Variants in KLK9 observed in about 807,000 individuals in gnomAD.
KLK9 encodes kallikrein-9.
Under a neutral mutation model 23.3 loss-of-function variants are expected in KLK9, and 26 were observed. The ratio of observed to expected loss-of-function variants is 1.12; its 90% CI spans 0.82 to 1.55. The LOEUF is 1.55. Among genes scored for constraint, KLK9 ranks in the 40% most tolerant of loss-of-function variants. The probability of loss-of-function intolerance (pLI) is 0.00; values close to 1 mark genes in which losing one functional copy is unlikely to be tolerated. For synonymous variants in KLK9, 122 were observed against 128.5 expected (o/e 0.95, Z 0.34); for missense variants, 346 against 333.7 (o/e 1.04, Z -0.29).
rs746682320 is a variant in KLK9 at position 51,003,090 on chromosome 19, G to T, written c.*21C>A. ...CTTCGGCCTCTCTTGGTCTTCCAAG[G>T]TGCCCCCGTGGCGCGCGGGCTCAGT... On this transcript the variant is annotated 3_prime_UTR_variant, in exon 5 of 5. Transcript: ENST00000594211. 4.5e-5 allele frequency: 72 copies of T among 1,595,242 alleles called. No homozygotes were observed. The highest frequency in any genetic ancestry group is 3.4e-4 in the Admixed American group (20 of 59,386).
Position 51,009,516 on chromosome 19 carries a change from G to C in KLK9, c.32C>G (p.Ser11Cys). 6.2e-7 allele frequency: 1 copy of C among 1,611,916 alleles called. No individual in the cohort carries two copies. Among genetic ancestry groups the C allele is most frequent in the Non-Finnish European group, 8.5e-7 (1 of 1,179,066 alleles). Reference sequence around the variant, plus strand: ...CCTGGGAGCCTCACCTGCCAGCAGAGAGAGCAGAGCACAGAGGAGTCCCAG... The same window carrying C: ...CCTGGGAGCCTCACCTGCCAGCAGACAGAGCAGAGCACAGAGGAGTCCCAG... MKLGLLCALL[S>C]LLAGHGWADT... Residue 11 changes from serine (S) to cysteine (C), a missense_variant, in exon 1 of 5, where the codon TCT (serine) becomes TGT (cysteine). Ser to Cys is a moderately radical substitution (Grantham distance 112). Transcript: ENST00000594211. This position sits in a 1 kb window ranked among gnomAD's most constrained non-coding sequence, Gnocchi z 4.8.
intron 2 of KLK9, among the ~76,000 whole-genome samples, chr19:51,007,161 T>C (rs1287243883): frequency 6.6e-6 from 1 of 151,822 alleles, no homozygotes; most frequent in Non-Finnish European, 1.5e-5. Flanking sequence ...GTGGTGTGTG[T>C]GTATACGTGT....
chr19:51,006,600 G>A lies in KLK9; in HGVS notation c.324C>T (p.His108=). The change falls in exon 3 of 5, where the codon CAC becomes CAT. Residue 108 remains histidine (H), a synonymous_variant. Coordinates refer to ENST00000594211, the MANE Select transcript of KLK9 (RefSeq NM_012315.2). This position sits in a 1 kb window ranked among gnomAD's most constrained non-coding sequence, Gnocchi z 4.1. The part of the protein sequence containing the change: ...GFNKDLSAND[H]NDDIMLIRLP... ...GGCGGATCAGCATGATGTCATCATT[G>A]TGGTCATTGGCGCTGAGGTCCTTGT... The A allele has an allele frequency of 1.2e-6, 2 of 1,613,326 alleles. No individual in the cohort carries two copies. Among genetic ancestry groups the A allele is most frequent in the South Asian group, 2.2e-5 (2 of 91,068 alleles).
intron 3 of KLK9, 66 bp from the exon 4 acceptor site, chr19:51,003,906 T>C: frequency 1.4e-6 from 2 of 1,415,606 alleles, no homozygotes; most frequent in Non-Finnish European, 2.0e-6. Context: ...CCCACTGCCC[T>C]GAGTCCTCCC....
At chr19:51,007,094 C>G (rs1029256610) in intron 2 of KLK9, among the ~76,000 whole-genome samples, 1 of 151,822 alleles carries the variant, frequency 6.6e-6, no homozygotes, top group Non-Finnish European at 1.5e-5. Context: ...TAACAACCGC[C>G]CCACCCCTGC....
In KLK9 at chr19:51,009,561, C is replaced by T. The variant is rs759175914; in HGVS notation, c.-14G>A. The T allele has an allele frequency of 6.2e-6, 10 of 1,612,102 alleles. No individual in the cohort carries two copies. In the Admixed American group the frequency reaches 1.7e-4, roughly 27 times the overall value. On this transcript the variant is annotated 5_prime_UTR_variant, in exon 1 of 5. Transcript: ENST00000594211. This position sits in a 1 kb window ranked among gnomAD's most constrained non-coding sequence, Gnocchi z 4.8. Reference sequence around the variant, plus strand: ...TCCCAGCTTCATGACCCCTGGGCACCTGGATCCTGGAACGTGCACCCGGCG... The same window carrying T: ...TCCCAGCTTCATGACCCCTGGGCACTTGGATCCTGGAACGTGCACCCGGCG...
Position 51,003,278 on chromosome 19 carries a change from G to A in KLK9, c.604-18C>T, listed in dbSNP as rs762950703. 8.1e-6 allele frequency: 13 copies of A among 1,607,014 alleles called. No individual in the cohort carries two copies. In the South Asian group the frequency reaches 1.4e-4, roughly 18 times the overall value. Reference sequence around the variant, plus strand: ...GAGTCACCCTGTACGCGAGAGAAGGGCAGAGGAACTGTTAGGCCACTCTGT... The same window carrying A: ...GAGTCACCCTGTACGCGAGAGAAGGACAGAGGAACTGTTAGGCCACTCTGT... On this transcript the variant is annotated intron_variant, in intron 4 of 4. Coordinates refer to ENST00000594211, the MANE Select transcript of KLK9 (RefSeq NM_012315.2).
intron 2 of KLK9, among the ~76,000 whole-genome samples, chr19:51,007,443 G>A (rs2091260075): frequency 6.6e-6 from 1 of 151,802 alleles, no homozygotes; most frequent in African/African-American, 2.4e-5. Context: ...CAGGGTTGGG[G>A]AACCAGAAAC....
intron 4 of KLK9, 119 bp from the exon 5 acceptor site, chr19:51,003,379 C>T: frequency 9.1e-7 from 1 of 1,100,538 alleles, no homozygotes; most frequent in Non-Finnish European, 1.3e-6. Flanking sequence ...TCCGAGAGTC[C>T]TCCATCTCCA....
intron 2 of KLK9, among the ~76,000 whole-genome samples, chr19:51,008,653 A>G (rs1169468862): frequency 6.6e-6 from 1 of 152,240 alleles, no homozygotes; most frequent in Non-Finnish European, 1.5e-5. Flanking sequence ...GCTTAGTACC[A>G]AAACAAAAGT....
At chr19:51,003,966 TA>T (rs1477389462) in intron 3 of KLK9, 126 bp from the exon 4 acceptor site, 2 of 718,544 alleles carry the variant, frequency 2.8e-6, no homozygotes, top group African/African-American at 3.6e-5. Context: ...CTCTCAAAGA[TA>T]GAGACAAGAG....
intron 3 of KLK9, among the ~76,000 whole-genome samples, chr19:51,004,334 G>A (rs1224472429): frequency 5.5e-5 from 2 of 36,238 alleles, no homozygotes; most frequent in African/African-American, 1.5e-4. Flanking sequence ...GCAAGACTCC[G>A]TCTCAAAAAA....
At chr19:51,004,852 T>G (rs1409314833) in intron 3 of KLK9, among the ~76,000 whole-genome samples, 1 of 152,160 alleles carries the variant, frequency 6.6e-6, no homozygotes, top group Non-Finnish European at 1.5e-5. Context: ...GTAGTCAGTA[T>G]AGATGTGGAT....
Position 51,005,933 on chromosome 19 carries a change from G to GATAATAATA in KLK9, c.466+516_466+524dup, listed in dbSNP as rs144461714. 8.5e-4 allele frequency among the ~76,000 whole-genome samples: 127 copies of GATAATAATA among 149,078 alleles called. 1 individual carries two copies. Among genetic ancestry groups the GATAATAATA allele is most frequent in the African/African-American group, 2.8e-3 (116 of 40,746 alleles). ...TCTCTACTAAAAATACAAAAAAAAA[G>GATAATAATA]ATAATAATAATAATAATAATAAATA... On this transcript the variant is annotated intron_variant, in intron 3 of 4. Coordinates refer to ENST00000594211, the MANE Select transcript of KLK9 (RefSeq NM_012315.2).
rs2091255564 is a variant in KLK9 at position 51,006,384 on chromosome 19, AAGACAGAG to A, written c.466+66_466+73del. 1.5e-6 allele frequency: 2 copies of A among 1,354,576 alleles called. No individual in the cohort carries two copies. The highest frequency in any genetic ancestry group is 2.7e-5 in the Admixed American group (1 of 36,924). 83.9% of individuals were successfully genotyped at this position (1,354,576 alleles called of 1,614,324 possible). ...AGAGAGAGAGGAGAGAGAAAAGGAG[AAGACAGAG>A]ATGAAAAGGCAGAGACAGAGGGGTG... On this transcript the variant is annotated intron_variant, in intron 3 of 4. Transcript: ENST00000594211. This position sits in a 1 kb window ranked among gnomAD's most constrained non-coding sequence, Gnocchi z 4.1.
chr19:51,006,733 C>G lies in KLK9; in HGVS notation c.201-10G>C, dbSNP rs1459427779. 1 of 1,565,634 alleles carries G rather than the reference C, an allele frequency of 6.4e-7. No individual in the cohort carries two copies. On this transcript the variant is annotated splice_polypyrimidine_tract_variant and intron_variant, in intron 2 of 4. Coordinates refer to ENST00000594211, the MANE Select transcript of KLK9 (RefSeq NM_012315.2). The surrounding 1 kb of genome is among the most constrained non-coding windows in gnomAD (Gnocchi z 4.1). ...GCGGACCCACAGATACCTGCTGGGACAGGCCTCAGAGGTCAAGCTGGGGGA... is the reference window on the plus strand; with the variant it reads ...GCGGACCCACAGATACCTGCTGGGAGAGGCCTCAGAGGTCAAGCTGGGGGA...
In KLK9 at chr19:51,009,202, C is replaced by T. The variant is rs2091266771; in HGVS notation, c.181G>A (p.Ala61Thr). The T allele has an allele frequency of 6.2e-7, 1 of 1,608,386 alleles. No individual in the cohort carries two copies. The highest frequency in any genetic ancestry group is 8.5e-7 in the Non-Finnish European group (1 of 1,178,876). Residue 61 changes from alanine (A) to threonine (T), a missense_variant, in exon 2 of 5, where the codon GCT (alanine) becomes ACT (threonine). Physicochemically the swap from Ala to Thr is moderately conservative, Grantham distance 58. Coordinates refer to ENST00000594211, the MANE Select transcript of KLK9 (RefSeq NM_012315.2). The surrounding 1 kb of genome is among the most constrained non-coding windows in gnomAD (Gnocchi z 4.8). ...ACTCACGGCTTGCGGCAGTGGGCAG[C>T]TGTGAGCAGCCAGCGGTCACTGATG... ...TLISDRWLLT[A>T]AHCRKPYLWV...
At chr19:51,008,196 G>T (rs2091263009) in intron 2 of KLK9, among the ~76,000 whole-genome samples, 2 of 148,456 alleles carry the variant, frequency 1.3e-5, no homozygotes, top group African/African-American at 5.0e-5. Context: ...AAAATAGCCT[G>T]GCATGGTGGT....
intron 4 of KLK9, 110 bp from the exon 5 acceptor site, chr19:51,003,370 C>T: frequency 6.7e-6 from 8 of 1,185,960 alleles, no homozygotes; most frequent in Non-Finnish European, 9.3e-6. Flanking sequence ...CCTCCAACAT[C>T]CGAGAGTCCT....
Sources: allele counts gnomAD v4.1 joint callset (sites outside exome capture counted in the v4.1 genomes callset), GRCh38; gene constraint gnomAD v4.1.1; non-coding constraint Gnocchi (gnomAD v3.1); transcripts MANE v1.5; gene names NCBI Gene and HGNC (gene_info 2026-07-23, HGNC 2026-07-21).